Variants in SP1 observed in about 807,000 individuals in gnomAD.
The protein encoded by SP1 is Sp1 transcription factor, also known as transcription factor Sp1.
In SP1, 6 loss-of-function variants were observed where a neutral mutation model predicts 66.3. The ratio of observed to expected loss-of-function variants is 0.09; its 90% CI spans 0.05 to 0.18. The LOEUF (loss-of-function observed/expected upper bound fraction) is 0.18, where lower values mean the gene tolerates loss of function less well. SP1 is among the 10% of genes least tolerant of loss of function. SP1 has a pLI of 1.00. For missense variants in SP1, 848 were observed against 964.5 expected (o/e 0.88, Z 1.60); for synonymous variants, 417 against 360.8 (o/e 1.16, Z -1.77).
intron 3 of SP1, among the ~76,000 whole-genome samples, chr12:53,395,369 T>C (rs1250066431): frequency 6.6e-6 from 1 of 152,014 alleles, no homozygotes; most frequent in Non-Finnish European, 1.5e-5. Context: ...GTATCTTCTG[T>C]CTTGTCACAT....
chr12:53,380,436 C>T (rs924392936), intron 1 of SP1, 138 bp downstream of exon 1: 8 of 663,588 alleles, frequency 1.2e-5, no homozygotes, highest in Non-Finnish European at 1.5e-5. Flanking sequence ...CCGCCCGGGG[C>T]GGAGGGAAGG....
intron 3 of SP1, among the ~76,000 whole-genome samples, chr12:53,403,299 C>T (rs549298749): frequency 2.0e-5 from 3 of 152,014 alleles, no homozygotes; most frequent in Non-Finnish European, 4.4e-5. Flanking sequence ...ACTTTCTTTC[C>T]TTTTAAAATA....
intron 3 of SP1, among the ~76,000 whole-genome samples, chr12:53,384,271 C>CTTTTCTTTT (rs1306505733): frequency 6.8e-6 from 1 of 147,074 alleles, no homozygotes; most frequent in Admixed American, 6.9e-5. Flanking sequence ...GCCCGGCTTT[C>CTTTTCTTTT]TTTTCTTTTT....
At chr12:53,396,171 C>G (rs1476342270) in intron 3 of SP1, among the ~76,000 whole-genome samples, 2 of 151,450 alleles carry the variant, frequency 1.3e-5, no homozygotes, top group Non-Finnish European at 2.9e-5. Flanking sequence ...GTCCCAGCTA[C>G]TCAGGACGCT....
At chr12:53,391,244 A>G (rs2694847) in intron 3 of SP1, among the ~76,000 whole-genome samples, 47,233 of 151,604 alleles carry the variant, frequency 0.31, 10,854 homozygotes, top group African/African-American at 0.65. Context: ...ACTTTAAAAT[A>G]TATTTGCCCA....
At chr12:53,393,302 T>C (rs779905533) in intron 3 of SP1, among the ~76,000 whole-genome samples, 3 of 152,002 alleles carry the variant, frequency 2.0e-5, no homozygotes, top group South Asian at 2.1e-4. Context: ...TTCTTTCTTT[T>C]TTTTCTTTTT....
intron 3 of SP1, among the ~76,000 whole-genome samples, chr12:53,384,127 G>A (rs1420889560): frequency 2.6e-5 from 4 of 151,548 alleles, no homozygotes; most frequent in Non-Finnish European, 4.4e-5. Flanking sequence ...CTGCCACCAC[G>A]CCCGGGTAAT....
At chr12:53,403,814 G>A (rs187194116) in intron 3 of SP1, among the ~76,000 whole-genome samples, 8 of 152,012 alleles carry the variant, frequency 5.3e-5, no homozygotes, top group African/African-American at 1.7e-4. Flanking sequence ...GCTGAGGCGG[G>A]AGGATCACTT....
chr12:53,403,727 A>G (rs1333620926), intron 3 of SP1, among the ~76,000 whole-genome samples: 2 of 152,140 alleles, frequency 1.3e-5, no homozygotes, highest in African/African-American at 4.8e-5. Context: ...ACTTATTTAT[A>G]GTAAATGCTT....
Position 53,382,330 on chromosome 12 carries a change from C to T in SP1, c.383C>T (p.Thr128Ile), listed in dbSNP as rs775596739. The change falls in exon 3 of 6, where the codon ACC (threonine) becomes ATC (isoleucine). Residue 128 changes from threonine (T) to isoleucine (I), a missense_variant. By Grantham distance (89) the Thr-to-Ile change is moderately conservative. Transcript: ENST00000327443. ...TCAAAGGAACAGAGTGGCAGCAGTA[C>T]CAATGGCAGCAATGGCAGTGAGTCT... ...PTSKEQSGSS[T>I]NGSNGSESSK... 6.2e-6 allele frequency: 10 copies of T among 1,614,062 alleles called. No individual in the cohort carries two copies. The highest frequency in any genetic ancestry group is 1.7e-5 in the Admixed American group (1 of 59,994).
At chr12:53,398,786 A>G (rs910584997) in intron 3 of SP1, among the ~76,000 whole-genome samples, 2 of 152,176 alleles carry the variant, frequency 1.3e-5, no homozygotes, top group African/African-American at 4.8e-5. Flanking sequence ...TCTTTTGAGG[A>G]TGGGAAAAAT....
intron 1 of SP1, chr12:53,380,610 G>C: frequency 9.8e-7 from 1 of 1,016,020 alleles, no homozygotes; most frequent in Non-Finnish European, 1.2e-6. Flanking sequence ...CCTCCCGCCG[G>C]GGGCTGGAGC....
At chr12:53,380,523 G>A in intron 1 of SP1, 1 of 538,024 alleles carries the variant, frequency 1.9e-6, no homozygotes, top group Non-Finnish European at 2.6e-6. Flanking sequence ...GGGCAGCGTG[G>A]CCTCGCCCGC....
Position 53,416,128 on chromosome 12 carries a change from TTAA to T in SP1, c.*4893_*4895del, listed in dbSNP as rs1377212909. The T allele has an allele frequency of 3.3e-5, 5 of 152,758 alleles. No individual in the cohort carries two copies. The East Asian group carries it at 5.8e-4, about 18-fold the overall frequency. The allele number at this position is 152,758 out of a possible 1,614,324, so 9.5% of individuals were successfully genotyped here. ...CACCACTGTTGCCTTTTAAAACCTC[TTAA>T]TAATCTCATGCTGTGTTTGTTTTGA... On this transcript the variant is annotated 3_prime_UTR_variant, in exon 6 of 6. Transcript: ENST00000327443.
intron 5 of SP1, 141 bp from the exon 6 acceptor site, chr12:53,410,786 C>A: frequency 1.4e-6 from 1 of 695,512 alleles, no homozygotes; most frequent in South Asian, 1.8e-5. Context: ...AGCCACCACG[C>A]CCAGCCACTT....
chr12:53,380,515 G>A, intron 1 of SP1: 1 of 506,716 alleles, frequency 2.0e-6, no homozygotes, highest in Non-Finnish European at 2.9e-6. Flanking sequence ...GGGGGAGGGG[G>A]CAGCGTGGCC....
At chr12:53,395,168 T>G (rs1938457023) in intron 3 of SP1, among the ~76,000 whole-genome samples, 1 of 151,762 alleles carries the variant, frequency 6.6e-6, no homozygotes. Flanking sequence ...TGGTGAAACC[T>G]CGTCTCAACT....
chr12:53,386,209 A>C (rs1273899511), intron 3 of SP1, among the ~76,000 whole-genome samples: 3 of 152,098 alleles, frequency 2.0e-5, no homozygotes, highest in African/African-American at 7.2e-5. Flanking sequence ...TCTAGGTAGC[A>C]GTCTAACTTC....
At chr12:53,385,150 C>T (rs572558022) in intron 3 of SP1, among the ~76,000 whole-genome samples, 2 of 151,580 alleles carry the variant, frequency 1.3e-5, no homozygotes, top group South Asian at 2.1e-4. Flanking sequence ...AAAAAATTAG[C>T]CAGGCATGGT....
Sources: allele counts gnomAD v4.1 joint callset (sites outside exome capture counted in the v4.1 genomes callset), GRCh38; gene constraint gnomAD v4.1.1; transcripts MANE v1.5; gene names NCBI Gene and HGNC (gene_info 2026-07-23, HGNC 2026-07-21).